ZNF674: variants seen among roughly 807,000 people sequenced by gnomAD.
ZNF674 encodes zinc finger family member 674.
In ZNF674, 2 loss-of-function variants were observed where a neutral mutation model predicts 7.0. The observed-to-expected ratio is 0.29, with a 90% CI of 0.12 to 0.90. The LOEUF is 0.90. ZNF674 is among the 40% of genes least tolerant of loss of function. The pLI is 0.57. For missense variants in ZNF674, 297 were observed against 415.5 expected, an observed-to-expected ratio of 0.71 and a Z score of 2.48; for synonymous variants, 103 against 145.2, an observed-to-expected ratio of 0.71 and a Z score of 2.09.
At chrX:46,524,371 C>T (rs1482381033) in intron 5 of ZNF674, among the ~76,000 whole-genome samples, 1 of 111,770 alleles carries the variant, frequency 8.9e-6, no homozygotes, top group Non-Finnish European at 1.9e-5. Flanking sequence ...GGGGTTTACA[C>T]AGGTAATGAA....
chrX:46,536,908 T>C (rs1942209340), intron 3 of ZNF674, among the ~76,000 whole-genome samples: 1 of 112,577 alleles, frequency 8.9e-6, no homozygotes. Flanking sequence ...ATAATCTGCA[T>C]GTGGACTAGG....
At chrX:46,511,245 T>C (rs2146595005) in intron 5 of ZNF674, among the ~76,000 whole-genome samples, 1 of 112,215 alleles carries the variant, frequency 8.9e-6, no homozygotes, top group Admixed American at 9.5e-5. Context: ...TTTATAAAGA[T>C]AATTATTCAC....
At chrX:46,538,372 C>T (rs2146618036) in intron 3 of ZNF674, among the ~76,000 whole-genome samples, 1 of 111,387 alleles carries the variant, frequency 9.0e-6, no homozygotes, top group Admixed American at 9.6e-5. Context: ...TGAAATTAGA[C>T]CACATTAACA....
chrX:46,514,888 G>A (rs1478415234), intron 5 of ZNF674, among the ~76,000 whole-genome samples: 2 of 112,049 alleles, frequency 1.8e-5, no homozygotes, highest in African/African-American at 6.5e-5. Flanking sequence ...CCTGAAGCAG[G>A]TATTTGCTGG....
intron 2 of ZNF674, 34 bp from the exon 3 acceptor site, chrX:46,542,150 T>C: frequency 1.1e-6 from 1 of 889,665 alleles, no homozygotes; most frequent in Admixed American, 2.4e-5. Context: ...TTGAGTTCAG[T>C]GGGTATAGAC....
intron 5 of ZNF674, among the ~76,000 whole-genome samples, chrX:46,506,415 G>GAAAA (rs34632622): frequency 2.2e-5 from 2 of 90,412 alleles, no homozygotes; most frequent in Non-Finnish European, 2.2e-5. Context: ...CTTTGCATGG[G>GAAAA]AAAAAAAAAA....
rs781125245 is a variant in ZNF674 at position 46,499,569 on chromosome X, T to G, written c.*274A>C. ...ATTTCTGAAGGCTTTCCCACATAACTACATTCAGTTTTGCCCCTTTTGAAT... is the reference window on the plus strand; with the variant it reads ...ATTTCTGAAGGCTTTCCCACATAACGACATTCAGTTTTGCCCCTTTTGAAT... On this transcript the variant is annotated 3_prime_UTR_variant, in exon 6 of 6. Coordinates refer to ENST00000683375, the MANE Select transcript of ZNF674 (RefSeq NM_001190417.2). 1.4e-5 allele frequency: 3 copies of G among 214,802 alleles called. No homozygotes were observed. In the East Asian group the frequency reaches 2.4e-4, roughly 17 times the overall value. The allele number at this position is 214,802 out of a possible 1,213,427, so 17.7% of individuals were successfully genotyped here.
intron 3 of ZNF674, among the ~76,000 whole-genome samples, chrX:46,530,430 T>C (rs1196286398): frequency 9.0e-6 from 1 of 110,892 alleles, no homozygotes; most frequent in Non-Finnish European, 1.9e-5. Flanking sequence ...GTATCTCTTG[T>C]AATGGTCCCA....
intron 3 of ZNF674, among the ~76,000 whole-genome samples, chrX:46,538,151 C>T (rs941380087): frequency 8.1e-5 from 9 of 111,331 alleles, no homozygotes; most frequent in Non-Finnish European, 1.7e-4. Flanking sequence ...AAATTTTTAC[C>T]CAATTTTTCA....
chrX:46,523,148 GA>G, intron 5 of ZNF674: 1 of 252,606 alleles, frequency 4.0e-6, no homozygotes, highest in African/African-American at 2.9e-5. Context: ...AATAGAAAAT[GA>G]AAAACACAAA....
intron 5 of ZNF674, among the ~76,000 whole-genome samples, chrX:46,520,097 C>T (rs936317216): frequency 5.4e-5 from 6 of 111,787 alleles, no homozygotes; most frequent in African/African-American, 9.7e-5. Flanking sequence ...GGGAGAAAAT[C>T]GGTATGACTA....
intron 3 of ZNF674, among the ~76,000 whole-genome samples, chrX:46,529,901 C>G (rs1223586128): frequency 1.8e-5 from 2 of 111,292 alleles, no homozygotes; most frequent in Non-Finnish European, 3.8e-5. Context: ...ACAAACAGTT[C>G]TAAACATAGC....
chrX:46,527,467 C>A (rs1942029130), intron 5 of ZNF674, among the ~76,000 whole-genome samples: 1 of 110,954 alleles, frequency 9.0e-6, no homozygotes, highest in Non-Finnish European at 1.9e-5. Context: ...ACTAACAATA[C>A]CAAGTGCTGG....
rs189069684 is a variant in ZNF674, at chrX:46,499,955, C to A, written c.1619G>T (p.Arg540Ile). 1.9e-4 allele frequency: 233 copies of A among 1,200,287 alleles called. No individual in the cohort carries two copies. In the African/African-American group the frequency reaches 3.8e-3, roughly 20 times the overall value. Residue 540 changes from arginine to isoleucine, a missense_variant, in exon 6 of 6, where the codon AGA becomes ATA. Arg to Ile is a moderately conservative substitution (Grantham distance 97, BLOSUM62 -3). Coordinates refer to ENST00000683375, the MANE Select transcript of ZNF674 (RefSeq NM_001190417.2). ...ATAAGGTTTCTCTCCTGTATGAGTT[C>A]TGTGATGCACAATGAGAGTTGATTT... ...SVKSTLIVHH[R>I]THTGEKPYEC...
chrX:46,536,038 A>T (rs1013345046), intron 3 of ZNF674, among the ~76,000 whole-genome samples: 2 of 112,542 alleles, frequency 1.8e-5, no homozygotes, highest in African/African-American at 6.4e-5. Context: ...ATTTGGTTAT[A>T]CCTATTAAAG....
intron 3 of ZNF674, among the ~76,000 whole-genome samples, chrX:46,534,890 G>A (rs1282908930): frequency 2.8e-5 from 3 of 108,557 alleles, no homozygotes; most frequent in Non-Finnish European, 3.8e-5. Context: ...ACAGGCACCC[G>A]CCACCATACC....
intron 5 of ZNF674, among the ~76,000 whole-genome samples, chrX:46,517,114 C>T (rs149906333): frequency 2.6e-3 from 290 of 111,206 alleles, no homozygotes; most frequent in African/African-American, 7.7e-3. Flanking sequence ...AAGATGTGAC[C>T]AATTCTCCAG....
intron 5 of ZNF674, among the ~76,000 whole-genome samples, chrX:46,518,580 AAAAT>A (rs1486824480): frequency 9.1e-6 from 1 of 109,720 alleles, no homozygotes; most frequent in East Asian, 2.9e-4. Context: ...CCCATCTTAA[AAAAT>A]AAATAAATAG....
At chrX:46,507,205 A>T (rs2146591945) in intron 5 of ZNF674, among the ~76,000 whole-genome samples, 1 of 110,923 alleles carries the variant, frequency 9.0e-6, no homozygotes, top group African/African-American at 3.3e-5. Flanking sequence ...TTAAAAAATT[A>T]GCTGAGTGTG....
Sources: allele counts gnomAD v4.1 joint callset (sites outside exome capture counted in the v4.1 genomes callset), GRCh38; gene constraint gnomAD v4.1.1; transcripts MANE v1.5; gene names NCBI Gene and HGNC (gene_info 2026-07-23, HGNC 2026-07-21).